The following SCMH1 variants were observed in gnomAD, a reference collection of about 807,000 sequenced individuals.
SCMH1 encodes Scm polycomb group protein homolog 1, also known as polycomb protein SCMH1.
SCMH1 carries 37 observed loss-of-function variants against 70.8 expected under a neutral mutation model. The ratio of observed to expected loss-of-function variants is 0.52; its 90% CI spans 0.40 to 0.69. The LOEUF is 0.69. Ranked by LOEUF, SCMH1 falls within the 30% of genes least tolerant of loss-of-function variation. SCMH1 has a pLI of 0.00. For missense variants in SCMH1, 607 were observed against 827.3 expected (o/e 0.73, Z 3.27); for synonymous variants, 292 against 307.4 (o/e 0.95, Z 0.52).
chr1:41,152,736 T>C, intron 4 of SCMH1: 1 of 1,607,154 alleles, frequency 6.2e-7, no homozygotes, highest in South Asian at 1.1e-5. Flanking sequence ...CAAAAAGCAC[T>C]AGATGCTGGG....
chr1:41,228,685 T>C (rs921472297), intron 1 of SCMH1, among the ~76,000 whole-genome samples: 1 of 151,528 alleles, frequency 6.6e-6, no homozygotes, highest in African/African-American at 2.4e-5. Flanking sequence ...CTTAGGAGGC[T>C]GCAGTGAGCC....
chr1:41,226,333 A>T lies in SCMH1; in HGVS notation c.-118+15726T>A, dbSNP rs556263040. Among the ~76,000 whole-genome samples the T allele has an allele frequency of 5.9e-5, 9 of 152,320 alleles. No individual in the cohort carries two copies. In the East Asian group the frequency reaches 1.5e-3, roughly 26 times the overall value. ...CCCTAGAATTTCCACAAATGATGAGATTTGTAACTTAGAAAAATAACTCTA... is the reference window on the plus strand; with the variant it reads ...CCCTAGAATTTCCACAAATGATGAGTTTTGTAACTTAGAAAAATAACTCTA... On this transcript the variant is annotated intron_variant, in intron 1 of 14. Coordinates refer to ENST00000337495, the Ensembl canonical transcript of SCMH1.
intron 1 of SCMH1, among the ~76,000 whole-genome samples, chr1:41,208,439 A>AC (rs1553178498): frequency 7.5e-6 from 1 of 132,678 alleles, no homozygotes; most frequent in Non-Finnish European, 1.8e-5. Flanking sequence ...AAAAATTAAA[A>AC]AAAAAAAATA....
At chr1:41,152,580 G>GTC in intron 4 of SCMH1, 1 of 1,613,358 alleles carries the variant, frequency 6.2e-7, no homozygotes, top group Non-Finnish European at 8.5e-7. Flanking sequence ...CCAATTACCA[G>GTC]TCTCCCCCTA....
chr1:41,064,618 TA>T (rs1264196822), intron 10 of SCMH1, among the ~76,000 whole-genome samples: 1 of 152,056 alleles, frequency 6.6e-6, no homozygotes, highest in African/African-American at 2.4e-5. Context: ...AATTTAAAAT[TA>T]AAAAACACCA....
At chr1:41,075,408 A>G in exon 9 of SCMH1, 1 of 1,614,112 alleles carries the variant, frequency 6.2e-7, no homozygotes, top group Non-Finnish European at 8.5e-7. Context: ...TGGGCTTCTC[A>G]GTATTCACAT....
intron 6 of SCMH1, among the ~76,000 whole-genome samples, chr1:41,132,713 A>T (rs1216931051): frequency 5.3e-5 from 8 of 152,122 alleles, no homozygotes; most frequent in Non-Finnish European, 8.8e-5. Flanking sequence ...ATCTTGAGTT[A>T]ATTTTTGTAT....
At chr1:41,235,569 T>TAAAAAA (rs61093555) in intron 1 of SCMH1, among the ~76,000 whole-genome samples, 3 of 43,082 alleles carry the variant, frequency 7.0e-5, no homozygotes, top group Admixed American at 6.7e-4. Flanking sequence ...AGACTCCGTC[T>TAAAAAA]AAAAAAAAAA....
intron 8 of SCMH1, among the ~76,000 whole-genome samples, chr1:41,082,743 G>A (rs573584268): frequency 2.6e-4 from 39 of 152,186 alleles, no homozygotes; most frequent in African/African-American, 8.2e-4. Flanking sequence ...CTGGCAAACC[G>A]AATCCAGCAG....
chr1:41,079,693 C>T (rs1659419769), intron 8 of SCMH1, among the ~76,000 whole-genome samples: 1 of 152,120 alleles, frequency 6.6e-6, no homozygotes, highest in South Asian at 2.1e-4. Flanking sequence ...GAGACCCCAT[C>T]TCTACAAAAA....
intron 6 of SCMH1, 25 bp downstream of exon 6, chr1:41,142,853 A>G (rs780301797): frequency 6.3e-7 from 1 of 1,581,564 alleles, no homozygotes; most frequent in South Asian, 1.1e-5. Flanking sequence ...AATTGGCTAG[A>G]AAGAGTTTGG....
chr1:41,056,161 T>C (rs1650214839), intron 10 of SCMH1, among the ~76,000 whole-genome samples: 1 of 152,198 alleles, frequency 6.6e-6, no homozygotes, highest in Non-Finnish European at 1.5e-5. Flanking sequence ...ATGGTAGCTT[T>C]CACTTCCTAT....
chr1:41,058,972 GT>G (rs565094028), intron 10 of SCMH1, among the ~76,000 whole-genome samples: 109 of 152,216 alleles, frequency 7.2e-4, no homozygotes, highest in Non-Finnish European at 1.2e-3. Flanking sequence ...TGCAGCTGGT[GT>G]GTCCTTGCTT....
At position 41,240,363 on chromosome 1, in the gene SCMH1, T is replaced by A. The variant is rs79516450; in HGVS notation, c.-118+1696A>T. On this transcript the variant is annotated intron_variant, in intron 1 of 14. Transcript: ENST00000337495. ...TACTGGGCTTAAAACATTACTAACC[T>A]GCAGAGTTGCTTAGGCAAGAGTTTA... Among the ~76,000 whole-genome samples, 4 of 152,342 alleles carry A rather than the reference T, an allele frequency of 2.6e-5. No individual in the cohort carries two copies. In the South Asian group the frequency reaches 8.3e-4, roughly 32 times the overall value.
intron 2 of SCMH1, among the ~76,000 whole-genome samples, chr1:41,174,723 A>G (rs973467378): frequency 8.5e-5 from 13 of 152,242 alleles, no homozygotes; most frequent in African/African-American, 3.1e-4. Context: ...GTGTGTATAT[A>G]CACACATATT....
At chr1:41,114,577 T>C (rs1301370060) in intron 7 of SCMH1, among the ~76,000 whole-genome samples, 1 of 151,920 alleles carries the variant, frequency 6.6e-6, no homozygotes, top group South Asian at 2.1e-4. Flanking sequence ...ATAGATAAAT[T>C]TGGGTGGAAA....
chr1:41,053,179 G>T (rs978126160), intron 10 of SCMH1, among the ~76,000 whole-genome samples: 1 of 150,738 alleles, frequency 6.6e-6, no homozygotes, highest in African/African-American at 2.5e-5. Flanking sequence ...CACTGTGCCC[G>T]GCCAAATTGT....
intron 8 of SCMH1, among the ~76,000 whole-genome samples, chr1:41,084,523 T>C (rs1427963240): frequency 6.6e-6 from 1 of 152,146 alleles, no homozygotes; most frequent in African/African-American, 2.4e-5. Context: ...TTTTACACTG[T>C]TGGTGGTACG....
chr1:41,149,793 C>T (rs1644901921), intron 5 of SCMH1, among the ~76,000 whole-genome samples: 2 of 152,210 alleles, frequency 1.3e-5, no homozygotes, highest in African/African-American at 4.8e-5. Context: ...TCTAGTCTAG[C>T]TGGTGAGATC....
Sources: allele counts gnomAD v4.1 joint callset (sites outside exome capture counted in the v4.1 genomes callset), GRCh38; gene constraint gnomAD v4.1.1; transcripts MANE v1.5; gene names NCBI Gene and HGNC (gene_info 2026-07-23, HGNC 2026-07-21).